MTR: variants seen among roughly 807,000 people sequenced by gnomAD.
MTR encodes the protein methionine synthase.
MTR carries 84 observed loss-of-function variants against 154.8 expected under a neutral mutation model. That is an observed-to-expected ratio of 0.54 (90% CI 0.45 to 0.65). The LOEUF is 0.65. Ranked by LOEUF, MTR falls within the 30% of genes least tolerant of loss-of-function variation. MTR has a pLI of 0.00. For synonymous variants in MTR, 554 were observed against 553.9 expected (o/e 1.00, Z 0.00); for missense variants, 1,275 against 1,570.2 (o/e 0.81, Z 3.18).
At position 236,797,942 on chromosome 1, in the gene MTR, A is replaced by C. The variant is rs185213764; in HGVS notation, c.34+2205A>C. Reference sequence around the variant, plus strand: ...CACTGCACTCCATCCTGGGTGAGAGAGTGAGACTTAGTCTCCAAAAAAAAA... The same window carrying C: ...CACTGCACTCCATCCTGGGTGAGAGCGTGAGACTTAGTCTCCAAAAAAAAA... On this transcript the variant is annotated intron_variant, in intron 1 of 32. Coordinates refer to ENST00000366577, the MANE Select transcript of MTR (RefSeq NM_000254.3). 3.3e-3 allele frequency among the ~76,000 whole-genome samples: 437 copies of C among 132,792 alleles called. 2 individuals are homozygous for C. Among genetic ancestry groups the C allele is most frequent in the African/African-American group, 0.011 (425 of 37,248 alleles). 87.1% of individuals were successfully genotyped at this position (132,792 alleles called of 152,430 possible).
At chr1:236,806,737 T>A (rs1489163516) in intron 3 of MTR, among the ~76,000 whole-genome samples, 2 of 152,180 alleles carry the variant, frequency 1.3e-5, no homozygotes, top group Non-Finnish European at 2.9e-5. Context: ...AAACAATACC[T>A]TCCCATTCTA....
At chr1:236,875,304 G>A (rs1278632565) in intron 24 of MTR, among the ~76,000 whole-genome samples, 2 of 152,150 alleles carry the variant, frequency 1.3e-5, no homozygotes, top group African/African-American at 4.8e-5. Context: ...GAGACAGAAA[G>A]CCCATCTAGC....
intron 22 of MTR, among the ~76,000 whole-genome samples, chr1:236,866,000 C>G (rs1398418302): frequency 6.6e-6 from 1 of 152,132 alleles, no homozygotes; most frequent in Non-Finnish European, 1.5e-5. Flanking sequence ...GCTTTTGGTT[C>G]TAAAAGCTGG....
At chr1:236,878,531 CTT>C (rs1665556696) in intron 24 of MTR, among the ~76,000 whole-genome samples, 1 of 151,932 alleles carries the variant, frequency 6.6e-6, no homozygotes, top group Admixed American at 6.6e-5. Flanking sequence ...AGTGTCCAGT[CTT>C]TTGGTTTCCC....
intron 18 of MTR, among the ~76,000 whole-genome samples, chr1:236,855,120 T>C (rs554760433): frequency 3.3e-5 from 5 of 152,286 alleles, no homozygotes; most frequent in African/African-American, 1.2e-4. Flanking sequence ...CTGAGTGAAA[T>C]GGAGCATGAA....
intron 5 of MTR, chr1:236,811,772 G>T (rs989616543): frequency 2.3e-6 from 1 of 440,918 alleles, no homozygotes; most frequent in Non-Finnish European, 4.6e-6. Context: ...TGCATAGCAG[G>T]CCCTCAAATA....
At chr1:236,804,830 G>A (rs1370288219) in intron 2 of MTR, among the ~76,000 whole-genome samples, 1 of 151,868 alleles carries the variant, frequency 6.6e-6, no homozygotes, top group Non-Finnish European at 1.5e-5. Context: ...GTATACGTGA[G>A]TGAATATATA....
At chr1:236,805,109 G>A (rs1478589616) in intron 2 of MTR, among the ~76,000 whole-genome samples, 1 of 152,132 alleles carries the variant, frequency 6.6e-6, no homozygotes, top group African/African-American at 2.4e-5. Context: ...TTATCTCCCA[G>A]TGCTTCTGCA....
intron 13 of MTR, 123 bp from the exon 14 acceptor site, chr1:236,835,424 G>A: frequency 8.3e-7 from 1 of 1,203,814 alleles, no homozygotes. Context: ...CCGGAGTCAG[G>A]GAGTCTGGCG....
chr1:236,800,592 T>A (rs1212703476), intron 1 of MTR: 6 of 655,304 alleles, frequency 9.2e-6, no homozygotes, highest in Non-Finnish European at 1.1e-5. Flanking sequence ...TTTCCCAACC[T>A]GCAAATATGC....
intron 14 of MTR, among the ~76,000 whole-genome samples, chr1:236,835,979 C>A (rs1438280852): frequency 1.3e-5 from 2 of 152,068 alleles, no homozygotes; most frequent in Non-Finnish European, 2.9e-5. Flanking sequence ...ACCCACTTTC[C>A]ATGTATGTGA....
intron 1 of MTR, among the ~76,000 whole-genome samples, chr1:236,801,498 C>G (rs540539538): frequency 6.6e-6 from 1 of 152,196 alleles, no homozygotes; most frequent in African/African-American, 2.4e-5. Flanking sequence ...GACAGTAAGA[C>G]GAGGCAGGGT....
rs563723656 is a variant in MTR at position 236,873,967 on chromosome 1, C to G, written c.2473+127C>G. On this transcript the variant is annotated intron_variant, in intron 23 of 32. Coordinates refer to ENST00000366577, the MANE Select transcript of MTR (RefSeq NM_000254.3). ...GTTCTGTGGGACATACAATCAAGTG[C>G]CAGCTCCTGCACCAGGTTGCTTTCA... 480 of 904,872 alleles carry G rather than the reference C, an allele frequency of 5.3e-4. 2 individuals are homozygous for G. Among genetic ancestry groups the G allele is most frequent in the Middle Eastern group, 4.7e-3 (22 of 4,676 alleles). 56.1% of individuals were successfully genotyped at this position (904,872 alleles called of 1,614,324 possible).
chr1:236,799,821 T>G (rs2103000286), intron 1 of MTR, among the ~76,000 whole-genome samples: 1 of 152,132 alleles, frequency 6.6e-6, no homozygotes, highest in East Asian at 1.9e-4. Context: ...GAGGTTGGTC[T>G]TTTTGAGTCT....
intron 23 of MTR, 92 bp from the exon 24 acceptor site, chr1:236,874,634 A>G: frequency 1.8e-6 from 2 of 1,125,984 alleles, no homozygotes; most frequent in Non-Finnish European, 1.2e-6. Context: ...TTCATTACAA[A>G]GTTTTTTAAA....
intron 24 of MTR, among the ~76,000 whole-genome samples, chr1:236,876,231 A>G (rs1296643998): frequency 6.6e-6 from 1 of 152,274 alleles, no homozygotes; most frequent in East Asian, 1.9e-4. Context: ...AGTCATCTTC[A>G]TAAGTAGAAA....
chr1:236,896,090 C>G (rs956143835), intron 31 of MTR, among the ~76,000 whole-genome samples: 1 of 152,212 alleles, frequency 6.6e-6, no homozygotes, highest in Non-Finnish European at 1.5e-5. Flanking sequence ...ATTCTAAAAG[C>G]TGAAAATGAC....
Position 236,861,291 on chromosome 1 carries a change from G to A in MTR, c.2196+14G>A. 1 of 1,613,594 alleles carries A rather than the reference G, an allele frequency of 6.2e-7. No individual in the cohort carries two copies. Among genetic ancestry groups the A allele is most frequent in the Non-Finnish European group, 8.5e-7 (1 of 1,179,806 alleles). Reference sequence around the variant, plus strand: ...TTTCTACCTCAGGTTAGCAAAATATGGGGAGAAATTTTCACAGTTGCATCT... The same window carrying A: ...TTTCTACCTCAGGTTAGCAAAATATAGGGAGAAATTTTCACAGTTGCATCT... On this transcript the variant is annotated intron_variant, in intron 20 of 32. Transcript: ENST00000366577.
Position 236,879,342 on chromosome 1 carries a change from G to A in MTR, c.2595-1413G>A, listed in dbSNP as rs576329075. 2.6e-5 allele frequency among the ~76,000 whole-genome samples: 4 copies of A among 152,314 alleles called. No homozygotes were observed. In the East Asian group the frequency reaches 7.7e-4, roughly 29 times the overall value. On this transcript the variant is annotated intron_variant, in intron 24 of 32. Transcript: ENST00000366577. ...GGTTGTTTGGAAAAGCTTGAGGGTG[G>A]TGTTTCTTAAAAATACAATTGCATT... is the stretch of plus-strand genomic sequence containing the variant.
Sources: allele counts gnomAD v4.1 joint callset (sites outside exome capture counted in the v4.1 genomes callset), GRCh38; gene constraint gnomAD v4.1.1; transcripts MANE v1.5; gene names NCBI Gene and HGNC (gene_info 2026-07-23, HGNC 2026-07-21).